Variants in PRSS36 observed in about 807,000 individuals in gnomAD.
PRSS36 encodes the protein serine protease 36, also known as polyserase-2.
A neutral mutation model predicts 94.3 loss-of-function variants in PRSS36; 90 were observed. That is an observed-to-expected ratio of 0.95 (90% confidence interval 0.80 to 1.14). PRSS36 has a LOEUF of 1.14. PRSS36 is among the 50% of genes most tolerant of loss of function. The pLI is 0.00. For synonymous variants in PRSS36, 500 were observed against 489.6 expected, an observed-to-expected ratio of 1.02 and a Z score of -0.28; for missense variants, 1,158 against 1,135.0, an observed-to-expected ratio of 1.02 and a Z score of -0.29.
At chr16:31,142,103 A>C in intron 10 of PRSS36, 143 bp from the exon 11 acceptor site, 1 of 718,118 alleles carries the variant, frequency 1.4e-6, no homozygotes, top group Non-Finnish European at 2.4e-6. Flanking sequence ...CCAAATACTA[A>C]TTTGTGTAAG....
At position 31,141,185 on chromosome 16, in the gene PRSS36, G is replaced by A. The variant is rs141985606; in HGVS notation, c.1901+284C>T. Among the ~76,000 whole-genome samples the A allele has an allele frequency of 1.4e-4, 22 of 152,256 alleles. No homozygotes were observed. The East Asian group carries it at 4.3e-3, about 29-fold the overall frequency. ...GATCTGCCCGCCTCGGCCTCCCAAA[G>A]TGCTAGGATTACAGGTGTGAACCAT... On this transcript the variant is annotated intron_variant, in intron 12 of 14. Transcript: ENST00000268281.
chr16:31,147,567 C>T (rs1454246318), intron 5 of PRSS36, among the ~76,000 whole-genome samples: 1 of 152,132 alleles, frequency 6.6e-6, no homozygotes, highest in Non-Finnish European at 1.5e-5. Flanking sequence ...GAGATTTGGT[C>T]TATTCCCCCC....
chr16:31,146,448 G>T (rs2057800703), intron 5 of PRSS36, among the ~76,000 whole-genome samples: 2 of 152,178 alleles, frequency 1.3e-5, no homozygotes, highest in South Asian at 4.1e-4. Flanking sequence ...TACACTAGTT[G>T]AGGCTGCATA....
At position 31,142,489 on chromosome 16, in the gene PRSS36, T is replaced by A; in HGVS notation, c.1513A>T (p.Ser505Cys). The change falls in exon 10 of 15, where the codon AGC (serine) becomes TGC (cysteine). Residue 505 changes from serine to cysteine, a missense_variant. Physicochemically the swap from Ser to Cys is moderately radical, Grantham distance 112. Transcript: ENST00000268281. Reference sequence around the variant, plus strand: ...CCGCCCCCGCCGCTTACCCAGCAGCTGCCCACCTCCTCCTTTTCCTGGTAG... The same window carrying A: ...CCGCCCCCGCCGCTTACCCAGCAGCAGCCCACCTCCTCCTTTTCCTGGTAG... ...PAYQEKEEVG[S>C]CWNDSRWSLL... The A allele has an allele frequency of 1.4e-6, 2 of 1,477,220 alleles. No individual in the cohort carries two copies. The highest frequency in any genetic ancestry group is 1.8e-6 in the Non-Finnish European group (2 of 1,115,648). The allele number at this position is 1,477,220 out of a possible 1,614,324, so 91.5% of individuals were successfully genotyped here.
chr16:31,142,233 G>C (rs2057707353), intron 10 of PRSS36, among the ~76,000 whole-genome samples: 1 of 151,282 alleles, frequency 6.6e-6, no homozygotes. Flanking sequence ...CCCACCCCCA[G>C]CTCGTTCTGG....
At chr16:31,145,503 G>C (rs1393353675) in intron 6 of PRSS36, among the ~76,000 whole-genome samples, 1 of 152,034 alleles carries the variant, frequency 6.6e-6, no homozygotes, top group Non-Finnish European at 1.5e-5. Flanking sequence ...GGTGGTGCAT[G>C]CCTGTAATCT....
chr16:31,144,213 C>T (rs879900446), intron 6 of PRSS36, among the ~76,000 whole-genome samples: 1 of 152,036 alleles, frequency 6.6e-6, no homozygotes, highest in Non-Finnish European at 1.5e-5. Flanking sequence ...CTCGCTCTGT[C>T]TCCCAGGCTG....
In PRSS36 at chr16:31,143,691, C is replaced by G; in HGVS notation, c.867G>C (p.Gln289His). 1 of 1,614,154 alleles carries G rather than the reference C, an allele frequency of 6.2e-7. No individual in the cohort carries two copies. Among genetic ancestry groups the G allele is most frequent in the Non-Finnish European group, 8.5e-7 (1 of 1,180,022 alleles). Residue 289 changes from glutamine (Q) to histidine (H), a missense_variant, in exon 7 of 15, where the codon CAG (glutamine) becomes CAC (histidine). By Grantham distance (24) the Gln-to-His change is conservative. Transcript: ENST00000268281. ...CAGGCCCAGGCTCTGAACCCATCAC[C>G]TGCTCCCGTATCCATGCCTCATAGG... is the stretch of plus-strand genomic sequence containing the variant. ...VATYEAWIRE[Q>H]VMGSEPGPAF...
At position 31,149,710 on chromosome 16, in the gene PRSS36, G is replaced by C. The variant is rs753032930; in HGVS notation, c.59C>G (p.Ala20Gly). The C allele has an allele frequency of 3.7e-6, 6 of 1,614,056 alleles. No individual in the cohort carries two copies. Among genetic ancestry groups the C allele is most frequent in the East Asian group, 2.2e-5 (1 of 44,902 alleles). ...GGCTACCTTACCTGAGTCCTGGAAG[G>C]CTCCTGGGATGGGACTGATGACTGG... ...VMLVISPIPGAFQDSALSPTQ... is the reference protein window; with the variant it reads ...VMLVISPIPGGFQDSALSPTQ... The change falls in exon 2 of 15, where the codon GCC becomes GGC. Residue 20 changes from alanine (A) to glycine (G), a missense_variant. By Grantham distance (60) the Ala-to-Gly change is moderately conservative. Coordinates refer to ENST00000268281, the MANE Select transcript of PRSS36 (RefSeq NM_173502.5).
chr16:31,143,640 G>C lies in PRSS36; in HGVS notation c.918C>G (p.Thr306=). 3 of 1,614,200 alleles carry C rather than the reference G, an allele frequency of 1.9e-6. No individual in the cohort carries two copies. In the South Asian group the frequency reaches 3.3e-5, roughly 18 times the overall value. ...CCCTGGGCTCCTGGGGATCTGACTG[G>C]GTCTTCTGGGGCTGGGTGGGAAAGG... ...GPAFPTQPQK[T]QSDPQEPREE... Residue 306 remains threonine, a synonymous_variant, in exon 7 of 15, where the codon ACC becomes ACG. Coordinates refer to ENST00000268281, the MANE Select transcript of PRSS36 (RefSeq NM_173502.5).
Position 31,145,991 on chromosome 16 carries a change from A to G in PRSS36, c.554-36T>C, listed in dbSNP as rs770605060. On this transcript the variant is annotated intron_variant, in intron 5 of 14. Coordinates refer to ENST00000268281, the MANE Select transcript of PRSS36 (RefSeq NM_173502.5). ...AACCAGAGAGCAGGTGCTGTGAGGC[A>G]GGTATGGCATCCCCAGTTCCCAGGG... 7.0e-6 allele frequency: 11 copies of G among 1,576,286 alleles called. No homozygotes were observed. In the South Asian group the frequency reaches 1.0e-4, roughly 15 times the overall value.
intron 6 of PRSS36, among the ~76,000 whole-genome samples, chr16:31,144,822 T>A (rs1364969501): frequency 1.3e-5 from 2 of 152,104 alleles, no homozygotes; most frequent in African/African-American, 4.8e-5. Context: ...GCATGGTGGC[T>A]CACGCCTGTA....
At position 31,142,538 on chromosome 16, in the gene PRSS36, G is replaced by C. The variant is rs750783350; in HGVS notation, c.1464C>G (p.Asp488Glu). 2.4e-5 allele frequency: 36 copies of C among 1,516,338 alleles called. No homozygotes were observed. 93.9% of individuals were successfully genotyped at this position (1,516,338 alleles called of 1,614,324 possible). A position where few individuals can be genotyped will look rare whatever the true frequency, so the allele number is the denominator to read the frequency against. The change falls in exon 10 of 15, where the codon GAC becomes GAG. Residue 488 changes from aspartate (D) to glutamate (E), a missense_variant. Physicochemically the swap from Asp to Glu is conservative, Grantham distance 45 (BLOSUM62 2). Coordinates refer to ENST00000268281, the MANE Select transcript of PRSS36 (RefSeq NM_173502.5). ...AGGCAGGGCAGAGCGCGTGCGGCGGGTCTCCGGGCAGCGGTACTGCCGCCC... is the reference window on the plus strand; with the variant it reads ...AGGCAGGGCAGAGCGCGTGCGGCGGCTCTCCGGGCAGCGGTACTGCCGCCC... ...RQGAAVPLPG[D>E]PPHALCPAYQ...
rs1212705899 is a variant in PRSS36, at chr16:31,149,177, G to A, written c.168C>T (p.Gly56=). 1.3e-6 allele frequency: 2 copies of A among 1,572,126 alleles called. No individual in the cohort carries two copies. The highest frequency in any genetic ancestry group is 1.7e-6 in the Non-Finnish European group (2 of 1,159,618). The part of the protein sequence containing the change: ...RIVGGSNAQP[G]TWPWQVSLHH... Reference sequence around the variant, plus strand: ...GCAGGCTCACTTGCCAAGGCCAGGTGCCCGGCTGCGCGTTTGAGCCCCCCA... The same window carrying A: ...GCAGGCTCACTTGCCAAGGCCAGGTACCCGGCTGCGCGTTTGAGCCCCCCA... The change falls in exon 4 of 15, where the codon GGC becomes GGT. Residue 56 remains glycine, a synonymous_variant. Transcript: ENST00000268281.
chr16:31,144,977 C>T (rs1008684498), intron 6 of PRSS36, among the ~76,000 whole-genome samples: 1 of 152,154 alleles, frequency 6.6e-6, no homozygotes, highest in Non-Finnish European at 1.5e-5. Context: ...ATCCCAGCTA[C>T]TTGGGAGGCT....
Position 31,142,613 on chromosome 16 carries a change from C to G in PRSS36, c.1389G>C (p.Glu463Asp). 1 of 1,506,952 alleles carries G rather than the reference C, an allele frequency of 6.6e-7. No individual in the cohort carries two copies. The highest frequency in any genetic ancestry group is 8.8e-7 in the Non-Finnish European group (1 of 1,132,164). The allele number at this position is 1,506,952 out of a possible 1,614,324, so 93.3% of individuals were successfully genotyped here. ...ACCACCAGCCGCCTAACAGCTCCGCCTCCAGCAGCGCGCCTGGGCCAAGCG... is the reference window on the plus strand; with the variant it reads ...ACCACCAGCCGCCTAACAGCTCCGCGTCCAGCAGCGCGCCTGGGCCAAGCG... ...EPALGPGALL[E>D]AELLGGWWCH... Residue 463 changes from glutamate to aspartate, a missense_variant, in exon 10 of 15, where the codon GAG becomes GAC. Glu to Asp is a conservative substitution (Grantham distance 45). Coordinates refer to ENST00000268281, the MANE Select transcript of PRSS36 (RefSeq NM_173502.5).
intron 6 of PRSS36, among the ~76,000 whole-genome samples, chr16:31,145,476 CA>C (rs2057785064): frequency 1.3e-5 from 2 of 150,954 alleles, no homozygotes; most frequent in Non-Finnish European, 2.9e-5. Flanking sequence ...CAAGTGAATG[CA>C]AAATTAGCAG....
chr16:31,141,786 C>G lies in PRSS36; in HGVS notation c.1696G>C (p.Asp566His). ...GTCTCCTCCCCATCAGGGCCCCAAT[C>G]CCAGGCTAGCTGGTCCTCCAGGTAG... ...GAYLEDQLAW[D>H]WGPDGEETET... The change falls in exon 11 of 15, where the codon GAT becomes CAT. Residue 566 changes from aspartate (D) to histidine (H), a missense_variant. Coordinates refer to ENST00000268281, the MANE Select transcript of PRSS36 (RefSeq NM_173502.5). 1.9e-6 allele frequency: 3 copies of G among 1,614,112 alleles called. No homozygotes were observed. The highest frequency in any genetic ancestry group is 2.7e-5 in the African/African-American group (2 of 75,040).
Position 31,149,025 on chromosome 16 carries a change from G to A in PRSS36, c.272+48C>T, listed in dbSNP as rs375714960. The A allele has an allele frequency of 3.6e-4, 549 of 1,522,278 alleles. 2 individuals carry two copies. In the Middle Eastern group the frequency reaches 3.6e-3, roughly 10 times the overall value. The allele number at this position is 1,522,278 out of a possible 1,614,324, so 94.3% of individuals were successfully genotyped here. On this transcript the variant is annotated intron_variant, in intron 4 of 14. Coordinates refer to ENST00000268281, the MANE Select transcript of PRSS36 (RefSeq NM_173502.5). The stretch of plus-strand genomic sequence containing the variant: ...GAGGAGGGGACCAACTGCGGGGGCG[G>A]GGGCCAGCTTTTGGCGGAGAGGGGC...
Sources: allele counts gnomAD v4.1 joint callset (sites outside exome capture counted in the v4.1 genomes callset), GRCh38; gene constraint gnomAD v4.1.1; transcripts MANE v1.5; gene names NCBI Gene and HGNC (gene_info 2026-07-23, HGNC 2026-07-21).